TARBP1: variants seen among roughly 807,000 people sequenced by gnomAD.
The protein encoded by TARBP1 is tRNA (guanosine(18)-2'-O)-methyltransferase TARBP1.
TARBP1 carries 144 observed loss-of-function variants against 178.6 expected under a neutral mutation model. The observed-to-expected ratio is 0.81, with a 90% CI of 0.70 to 0.93. The LOEUF (loss-of-function observed/expected upper bound fraction) is 0.93, where lower values mean the gene tolerates loss of function less well. Ranked by LOEUF, TARBP1 falls within the 40% of genes least tolerant of loss-of-function variation. TARBP1 has a pLI of 0.00. For synonymous variants in TARBP1, 787 were observed against 781.0 expected (o/e 1.01, Z -0.13); for missense variants, 2,067 against 2,011.7 (o/e 1.03, Z -0.53).
chr1:234,403,476 A>G (rs777807002), intron 24 of TARBP1, among the ~76,000 whole-genome samples: 2 of 152,070 alleles, frequency 1.3e-5, no homozygotes, highest in African/African-American at 2.4e-5. Context: ...TCCTCATCAC[A>G]TTTACTTTTC....
chr1:234,456,530 GAACT>G (rs1272439981), intron 9 of TARBP1, among the ~76,000 whole-genome samples: 3 of 152,118 alleles, frequency 2.0e-5, no homozygotes, highest in Non-Finnish European at 4.4e-5. Context: ...CCAAGAAAAG[GAACT>G]AATACAATAA....
intron 25 of TARBP1, 32 bp from the exon 26 acceptor site, chr1:234,398,585 T>A: frequency 6.8e-7 from 1 of 1,478,858 alleles, no homozygotes; most frequent in South Asian, 1.4e-5. Context: ...CTAAATTTCT[T>A]CCCTTAAGAA....
In TARBP1 at chr1:234,472,697, A is replaced by G; in HGVS notation, c.1029+17T>C. 1 of 1,539,334 alleles carries G rather than the reference A, an allele frequency of 6.5e-7. No individual in the cohort carries two copies. The highest frequency in any genetic ancestry group is 1.8e-4 in the Middle Eastern group (1 of 5,648). ...TGTTATCTACTGTAGGATTTGCTAA[A>G]ATAGAAAAACACTTACCTGATTTCC... On this transcript the variant is annotated intron_variant, in intron 2 of 29. Coordinates refer to ENST00000040877, the MANE Select transcript of TARBP1 (RefSeq NM_005646.4).
In TARBP1 at chr1:234,429,173, G is replaced by A; in HGVS notation, c.3023C>T (p.Ala1008Val). 2 of 1,586,500 alleles carry A rather than the reference G, an allele frequency of 1.3e-6. No homozygotes were observed. The highest frequency in any genetic ancestry group is 8.5e-7 in the Non-Finnish European group (1 of 1,173,114). The change falls in exon 17 of 30, where the codon GCC becomes GTC. Residue 1008 changes from alanine to valine, a missense_variant. By Grantham distance (64) the Ala-to-Val change is moderately conservative. Transcript: ENST00000040877. ...GAAATATGCCTGGCCCTTGATTTTG[G>A]CAGCAATGGTAAGAACTTTGTTATC... ...VFDNKVLTIAAKIKGQAYFKI... is the reference protein window; with the variant it reads ...VFDNKVLTIAVKIKGQAYFKI...
intron 19 of TARBP1, 44 bp downstream of exon 19, chr1:234,427,273 A>G (rs1663882489): frequency 7.3e-7 from 1 of 1,363,660 alleles, no homozygotes; most frequent in Admixed American, 2.0e-5. Flanking sequence ...TTAAATTTTT[A>G]GTATCTCATT....
intron 22 of TARBP1, among the ~76,000 whole-genome samples, chr1:234,414,227 G>A (rs962093287): frequency 6.6e-6 from 1 of 152,174 alleles, no homozygotes; most frequent in African/African-American, 2.4e-5. Context: ...CATGGACATG[G>A]CTGTGTTCCA....
intron 12 of TARBP1, among the ~76,000 whole-genome samples, chr1:234,445,401 C>G (rs577614098): frequency 3.4e-4 from 51 of 152,168 alleles, no homozygotes; most frequent in South Asian, 2.5e-3. Context: ...ATTTCTATCT[C>G]TAACTCATAC....
chr1:234,439,716 C>G (rs1255017053), intron 12 of TARBP1, among the ~76,000 whole-genome samples: 3 of 152,130 alleles, frequency 2.0e-5, no homozygotes, highest in African/African-American at 2.4e-5. Context: ...ATCCCAGCTA[C>G]TCGGTAAACT....
chr1:234,433,199 C>G (rs1275632108), intron 14 of TARBP1, among the ~76,000 whole-genome samples: 1 of 152,284 alleles, frequency 6.6e-6, no homozygotes, highest in South Asian at 2.1e-4. Flanking sequence ...GATGGTACCA[C>G]TGCACCCCAG....
intron 23 of TARBP1, among the ~76,000 whole-genome samples, chr1:234,409,402 T>C (rs1434369127): frequency 6.6e-6 from 1 of 152,230 alleles, no homozygotes; most frequent in Non-Finnish European, 1.5e-5. Flanking sequence ...CAGGACAATG[T>C]CTGCTCTGTT....
intron 5 of TARBP1, among the ~76,000 whole-genome samples, chr1:234,465,069 CGGATGGATGGATGGATGGATGGAT>C (rs34607418): frequency 6.6e-6 from 1 of 150,654 alleles, no homozygotes; most frequent in Non-Finnish European, 1.5e-5. Flanking sequence ...GATGGATGAA[CGGATGGATGGATGGATGGATGGAT>C]GGATGGATGG....
chr1:234,478,850 TCCGGGCCGCCC>T lies in TARBP1; in HGVS notation c.243_253del (p.Gly82ProfsTer37), dbSNP rs1179859731. On this transcript the variant is annotated frameshift_variant, in exon 1 of 30. Coordinates refer to ENST00000040877, the MANE Select transcript of TARBP1 (RefSeq NM_005646.4). LOFTEE classifies it high-confidence loss of function. ...GCGGTGGCGAGGCTGCAGACTGGGGTCCGGGCCGCCCGCGGGGCGTCCGCGCAGGCTCCGCA... is the reference window on the plus strand; with the variant it reads ...GCGGTGGCGAGGCTGCAGACTGGGGTGCGGGGCGTCCGCGCAGGCTCCGCA... The T allele has an allele frequency of 2.4e-6, 3 of 1,257,058 alleles. No individual in the cohort carries two copies. Among genetic ancestry groups the T allele is most frequent in the Non-Finnish European group, 3.0e-6 (3 of 1,004,814 alleles). The allele number at this position is 1,257,058 out of a possible 1,614,324, so 77.9% of individuals were successfully genotyped here. A position where few individuals can be genotyped will look rare whatever the true frequency, so the allele number is the denominator to read the frequency against.
chr1:234,472,329 CAA>C (rs1160411119), intron 2 of TARBP1, among the ~76,000 whole-genome samples: 6,377 of 45,814 alleles, frequency 0.14, 731 homozygotes, highest in East Asian at 0.67. Context: ...ACTCTGTCTC[CAA>C]AAAAAAAAAA....
chr1:234,455,318 T>G (rs66638830), intron 9 of TARBP1, among the ~76,000 whole-genome samples: 22,524 of 152,172 alleles, frequency 0.15, 1,898 homozygotes, highest in Middle Eastern at 0.19. Context: ...CAATCCCAAT[T>G]CTAGGACTCC....
At chr1:234,420,896 T>A in intron 20 of TARBP1, 84 bp from the exon 21 acceptor site, 1 of 835,668 alleles carries the variant, frequency 1.2e-6, no homozygotes, top group Non-Finnish European at 1.9e-6. Flanking sequence ...ACTTGAAATG[T>A]AAGTGGCTTA....
In TARBP1 at chr1:234,429,146, T is replaced by A. The variant is rs746550919; in HGVS notation, c.3050A>T (p.Lys1017Ile). 6.4e-7 allele frequency: 1 copy of A among 1,569,606 alleles called. No homozygotes were observed. Among genetic ancestry groups the A allele is most frequent in the South Asian group, 1.2e-5 (1 of 82,698 alleles). The change falls in exon 17 of 30, where the codon AAA becomes ATA. Residue 1017 changes from lysine (K) to isoleucine (I), a missense_variant. Lys to Ile is a moderately radical substitution (Grantham distance 102). Coordinates refer to ENST00000040877, the MANE Select transcript of TARBP1 (RefSeq NM_005646.4). ...AAGAAAGTTAGTTACCTCTTTTATT[T>A]TGAAATATGCCTGGCCCTTGATTTT... Reference protein sequence around the residue: ...AAKIKGQAYFKIKEIMYKIIE... With the variant: ...AAKIKGQAYFIIKEIMYKIIE...
chr1:234,435,782 G>A (rs144396704), intron 13 of TARBP1, among the ~76,000 whole-genome samples: 28 of 152,270 alleles, frequency 1.8e-4, no homozygotes, highest in Non-Finnish European at 2.4e-4. Flanking sequence ...GACAGGCAGC[G>A]GCGTAGCAGC....
chr1:234,448,539 C>T lies in TARBP1; in HGVS notation c.1902G>A (p.Lys634=), dbSNP rs1218647107. 1 of 1,613,946 alleles carries T rather than the reference C, an allele frequency of 6.2e-7. No homozygotes were observed. Among genetic ancestry groups the T allele is most frequent in the Admixed American group, 1.7e-5 (1 of 59,996 alleles). Residue 634 remains lysine, a synonymous_variant, in exon 11 of 30, where the codon AAG becomes AAA. Coordinates refer to ENST00000040877, the MANE Select transcript of TARBP1 (RefSeq NM_005646.4). ...NCFMPDWFEA[K]LVSLMVLLAV... The stretch of plus-strand genomic sequence containing the variant: ...CCAGCAAGACCATCAGAGAAACAAG[C>T]TTGGCTTCAAACCAATCAGGCATAA...
chr1:234,400,483 T>A (rs955736261), intron 25 of TARBP1, among the ~76,000 whole-genome samples: 1 of 152,040 alleles, frequency 6.6e-6, no homozygotes, highest in African/African-American at 2.4e-5. Flanking sequence ...ATCTTAGTAA[T>A]CCACCAAAAA....
Sources: gnomAD v4.1 joint callset for allele counts (sites outside exome capture counted in the v4.1 genomes callset) on GRCh38, gnomAD v4.1.1 for gene constraint, MANE v1.5 for transcripts, NCBI Gene and HGNC (gene_info 2026-07-23, HGNC 2026-07-21) for gene names.